The following ADD3 variants were observed in gnomAD, a reference collection of about 807,000 sequenced individuals.
ADD3 encodes adducin 3, also known as gamma-adducin.
Under a neutral mutation model 80.2 loss-of-function variants are expected in ADD3, and 25 were observed. The observed-to-expected ratio is 0.31, with a 90% CI of 0.23 to 0.44. The LOEUF (loss-of-function observed/expected upper bound fraction) is 0.44. ADD3 is among the 20% of genes least tolerant of loss of function. The pLI is 1.00. For missense variants in ADD3, 829 were observed against 847.5 expected (o/e 0.98, Z 0.27); for synonymous variants, 284 against 289.6 (o/e 0.98, Z 0.20).
At chr10:109,998,344 T>A (rs1373244332) in intron 1 of ADD3, among the ~76,000 whole-genome samples, 1 of 152,174 alleles carries the variant, frequency 6.6e-6, no homozygotes, top group Non-Finnish European at 1.5e-5. Flanking sequence ...ACTCAACTCA[T>A]GTACTCCATC....
At chr10:110,027,304 A>G (rs1854427463) in intron 1 of ADD3, among the ~76,000 whole-genome samples, 1 of 152,150 alleles carries the variant, frequency 6.6e-6, no homozygotes, top group Non-Finnish European at 1.5e-5. Flanking sequence ...TGCCTTTTGT[A>G]CAGGTTGAGT....
At chr10:110,097,231 C>G (rs2133920368) in intron 1 of ADD3, among the ~76,000 whole-genome samples, 1 of 152,170 alleles carries the variant, frequency 6.6e-6, no homozygotes, top group African/African-American at 2.4e-5. Context: ...TTTAATAGCT[C>G]AGGTATTGTT....
chr10:110,131,625 G>A (rs536331024), intron 13 of ADD3, among the ~76,000 whole-genome samples: 1 of 152,314 alleles, frequency 6.6e-6, no homozygotes, highest in South Asian at 2.1e-4. Flanking sequence ...GTCACAAAAG[G>A]GAGTTGTCCT....
chr10:110,104,865 A>T (rs1430961306), intron 2 of ADD3, among the ~76,000 whole-genome samples: 1 of 152,250 alleles, frequency 6.6e-6, no homozygotes, highest in Non-Finnish European at 1.5e-5. Context: ...AGCTTAGTTA[A>T]ATGATGTGGT....
At chr10:110,123,913 A>G (rs1001048568) in intron 9 of ADD3, 104 bp from the exon 10 acceptor site, 56 of 1,200,830 alleles carry the variant, frequency 4.7e-5, no homozygotes, top group Non-Finnish European at 3.1e-5. Context: ...TTTGTTTTTT[A>G]GCAAAGGAGT....
At chr10:110,029,499 G>C (rs1476987655) in intron 1 of ADD3, among the ~76,000 whole-genome samples, 2 of 152,112 alleles carry the variant, frequency 1.3e-5, no homozygotes, top group African/African-American at 4.8e-5. Context: ...TCATATTTCT[G>C]ATTTGCTATA....
chr10:110,081,989 G>A (rs752869549), intron 1 of ADD3, among the ~76,000 whole-genome samples: 22 of 152,186 alleles, frequency 1.4e-4, no homozygotes, highest in Admixed American at 2.6e-4. Flanking sequence ...CATTTTAAAC[G>A]AGAGAAGGGG....
rs1268401850 is a variant in ADD3, at chr10:110,123,309, G to C, written c.1144-708G>C. Among the ~76,000 whole-genome samples the C allele has an allele frequency of 2.6e-5, 4 of 152,104 alleles. No homozygotes were observed. The South Asian group carries it at 8.3e-4, about 32-fold the overall frequency. On this transcript the variant is annotated intron_variant, in intron 9 of 14. Coordinates refer to ENST00000356080, the MANE Select transcript of ADD3 (RefSeq NM_016824.5). ...AACCTCCATACTGTTTTCCACAATGGCTATACTAATTTACATTGCTACCAA... is the reference window on the plus strand; with the variant it reads ...AACCTCCATACTGTTTTCCACAATGCCTATACTAATTTACATTGCTACCAA...
chr10:110,099,761 T>C (rs1343641329), intron 1 of ADD3, among the ~76,000 whole-genome samples: 2 of 152,250 alleles, frequency 1.3e-5, no homozygotes, highest in Non-Finnish European at 2.9e-5. Flanking sequence ...TGTATATACA[T>C]GATACCTTGT....
chr10:110,119,053 A>C (rs1374684523), intron 6 of ADD3, among the ~76,000 whole-genome samples, 158 bp from the exon 7 acceptor site: 1 of 152,236 alleles, frequency 6.6e-6, no homozygotes, highest in Non-Finnish European at 1.5e-5. Context: ...TGTGTGTGGA[A>C]GAAACAAAAT....
intron 1 of ADD3, among the ~76,000 whole-genome samples, chr10:110,035,032 G>A (rs889498949): frequency 6.6e-5 from 10 of 152,256 alleles, no homozygotes; most frequent in African/African-American, 2.4e-4. Context: ...AATTTTTTCA[G>A]TTGCATTTGG....
rs1212301099 is a variant in ADD3 at position 110,112,850 on chromosome 10, C to A, written c.269C>A (p.Ala90Glu). Residue 90 changes from alanine to glutamate, a missense_variant, in exon 3 of 15, where the codon GCA (alanine) becomes GAA (glutamate). By Grantham distance (107) the Ala-to-Glu change is moderately radical. Coordinates refer to ENST00000356080, the MANE Select transcript of ADD3 (RefSeq NM_016824.5). ...GGCCACAACCCAACTGGATTACTAG[C>A]ATTACAGCAGATTGCAGATTACATC... ...KKGHNPTGLLALQQIADYIMA... is the reference protein window; with the variant it reads ...KKGHNPTGLLELQQIADYIMA... 6.2e-7 allele frequency: 1 copy of A among 1,614,106 alleles called. No homozygotes were observed. The highest frequency in any genetic ancestry group is 1.1e-5 in the South Asian group (1 of 91,078).
At position 110,050,802 on chromosome 10, in the gene ADD3, C is replaced by T. The variant is rs182154027; in HGVS notation, c.-30+42503C>T. Among the ~76,000 whole-genome samples the T allele has an allele frequency of 5.6e-4, 86 of 152,234 alleles. 1 individual carries two copies. The highest frequency in any genetic ancestry group is 2.0e-3 in the African/African-American group (82 of 41,544). On this transcript the variant is annotated intron_variant, in intron 1 of 14. Coordinates refer to ENST00000356080, the MANE Select transcript of ADD3 (RefSeq NM_016824.5). ...TGCTGGGATTACAGGCAGGAGCCAC[C>T]GTGCCTTTCTAAATTACCCAGTGTC...
intron 9 of ADD3, among the ~76,000 whole-genome samples, chr10:110,123,659 G>C (rs1182536622): frequency 2.0e-5 from 3 of 152,170 alleles, no homozygotes; most frequent in Non-Finnish European, 2.9e-5. Flanking sequence ...TCAGAAGGCT[G>C]ACTGCCTTCA....
rs1314840631 is a variant in ADD3 at position 110,129,994 on chromosome 10, GTT to G, written c.1609-367_1609-366del. On this transcript the variant is annotated intron_variant, in intron 12 of 14. Coordinates refer to ENST00000356080, the MANE Select transcript of ADD3 (RefSeq NM_016824.5). The stretch of plus-strand genomic sequence containing the variant: ...GATTTAAAGAACTACTTTTGGTACA[GTT>G]TCATTTCTGTAAGCCTTTTTTACAG... Among the ~76,000 whole-genome samples, 5 of 152,012 alleles carry G rather than the reference GTT, an allele frequency of 3.3e-5. No individual in the cohort carries two copies. The South Asian group carries it at 1.0e-3, about 32-fold the overall frequency.
chr10:110,051,967 T>G (rs1385456616), intron 1 of ADD3, among the ~76,000 whole-genome samples: 1 of 152,080 alleles, frequency 6.6e-6, no homozygotes, highest in Admixed American at 6.5e-5. Context: ...ATGGCTAAGT[T>G]TAAATTTTTT....
chr10:110,117,557 G>T (rs1850892638), intron 5 of ADD3, 135 bp downstream of exon 5: 2 of 594,024 alleles, frequency 3.4e-6, no homozygotes, highest in South Asian at 4.4e-5. Flanking sequence ...AAGGGAATTT[G>T]AACTATGTTG....
intron 1 of ADD3, among the ~76,000 whole-genome samples, chr10:110,080,052 T>G (rs1340435024): frequency 6.6e-6 from 1 of 152,220 alleles, no homozygotes; most frequent in African/African-American, 2.4e-5. Flanking sequence ...ATAATAGTGC[T>G]GTGTGGAAAT....
At chr10:110,110,550 C>A (rs1359192804) in intron 2 of ADD3, among the ~76,000 whole-genome samples, 1 of 152,138 alleles carries the variant, frequency 6.6e-6, no homozygotes, top group Non-Finnish European at 1.5e-5. Context: ...ACTATTAGCA[C>A]CCAGCTCTTA....
Sources: allele counts gnomAD v4.1 joint callset (sites outside exome capture counted in the v4.1 genomes callset), GRCh38; gene constraint gnomAD v4.1.1; transcripts MANE v1.5; gene names NCBI Gene and HGNC (gene_info 2026-07-23, HGNC 2026-07-21).